TMEM132C: variants seen among roughly 807,000 people sequenced by gnomAD.
TMEM132C encodes protein phosphatase 1, regulatory subunit 152.
TMEM132C carries 29 observed loss-of-function variants against 61.4 expected under a neutral mutation model. That is an observed-to-expected ratio of 0.47 (90% CI 0.35 to 0.64). The LOEUF is 0.64. Among genes scored for constraint, TMEM132C ranks in the 30% least tolerant of loss-of-function variants. The pLI is 0.00. For missense variants in TMEM132C, 1,408 were observed against 1,476.9 expected (o/e 0.95, Z 0.76); for synonymous variants, 656 against 633.1 (o/e 1.04, Z -0.54).
intron 5 of TMEM132C, among the ~76,000 whole-genome samples, chr12:128,686,134 G>A (rs1368042466): frequency 6.6e-6 from 1 of 151,942 alleles, no homozygotes; most frequent in Non-Finnish European, 1.5e-5. Context: ...ATGTGTGCAT[G>A]TGTGTGCATA....
At chr12:128,523,516 TG>T (rs1051533198) in intron 2 of TMEM132C, among the ~76,000 whole-genome samples, 10 of 152,278 alleles carry the variant, frequency 6.6e-5, no homozygotes, top group African/African-American at 2.4e-4. Context: ...CAAGCAGAGC[TG>T]GACCCAGGAG....
At chr12:128,340,565 G>A (rs897569168) in intron 1 of TMEM132C, among the ~76,000 whole-genome samples, 12 of 152,100 alleles carry the variant, frequency 7.9e-5, no homozygotes, top group African/African-American at 2.9e-4. Flanking sequence ...CTAATTATTT[G>A]GTCATCAGCA....
chr12:128,605,041 G>C (rs528917301), intron 3 of TMEM132C, among the ~76,000 whole-genome samples: 2 of 151,966 alleles, frequency 1.3e-5, no homozygotes, highest in Admixed American at 1.3e-4. Context: ...ATGGATGGAT[G>C]GATGGATGGA....
At chr12:128,386,330 G>C (rs1177911911) in intron 1 of TMEM132C, among the ~76,000 whole-genome samples, 1 of 152,132 alleles carries the variant, frequency 6.6e-6, no homozygotes, top group Non-Finnish European at 1.5e-5. Flanking sequence ...TAGACTGATG[G>C]AAGGGCCAAC....
intron 2 of TMEM132C, among the ~76,000 whole-genome samples, chr12:128,506,337 G>T (rs1385316291): frequency 2.6e-5 from 4 of 152,192 alleles, no homozygotes; most frequent in Non-Finnish European, 5.9e-5. Flanking sequence ...AAAAACACAA[G>T]TTTCCTTCCA....
Position 128,382,279 on chromosome 12 carries a change from A to G in TMEM132C, c.86-32453A>G, listed in dbSNP as rs552257022. Among the ~76,000 whole-genome samples the G allele has an allele frequency of 7.9e-5, 12 of 152,276 alleles. No homozygotes were observed. The East Asian group carries it at 1.9e-3, about 24-fold the overall frequency. On this transcript the variant is annotated intron_variant, in intron 1 of 8. Coordinates refer to ENST00000435159, the MANE Select transcript of TMEM132C (RefSeq NM_001136103.3). ...AGTTTTAAAAAGTTATATAAATGCT[A>G]TCATACTGACGTACTGCACAGACTG...
chr12:128,647,678 CAGCGTTGG>C (rs1299432557), intron 4 of TMEM132C, among the ~76,000 whole-genome samples: 3 of 150,148 alleles, frequency 2.0e-5, no homozygotes, highest in Admixed American at 1.3e-4. Context: ...TGGAGTCCAT[CAGCGTTGG>C]ATGTGAGTGT....
At chr12:128,273,300 C>T (rs1002381191) in intron 1 of TMEM132C, among the ~76,000 whole-genome samples, 15 of 152,150 alleles carry the variant, frequency 9.9e-5, no homozygotes, top group Non-Finnish European at 1.9e-4. Context: ...TAATGCCTTT[C>T]TTTATTCTTA....
chr12:128,472,024 G>A (rs573476698), intron 2 of TMEM132C, among the ~76,000 whole-genome samples: 10 of 152,124 alleles, frequency 6.6e-5, no homozygotes, highest in Non-Finnish European at 1.2e-4. Context: ...GTAGTTTAGG[G>A]TTACGCAGAT....
chr12:128,686,215 G>C (rs1954675737), intron 5 of TMEM132C, among the ~76,000 whole-genome samples: 1 of 152,174 alleles, frequency 6.6e-6, no homozygotes, highest in South Asian at 2.1e-4. Flanking sequence ...AGTTTTCCCT[G>C]AGCATAGGGA....
At chr12:128,364,907 G>C (rs1873815775) in intron 1 of TMEM132C, among the ~76,000 whole-genome samples, 1 of 152,234 alleles carries the variant, frequency 6.6e-6, no homozygotes, top group African/African-American at 2.4e-5. Flanking sequence ...CCCATCTGGA[G>C]AGTCCCTCAG....
At chr12:128,602,913 T>C (rs1049245688) in intron 3 of TMEM132C, among the ~76,000 whole-genome samples, 5 of 152,226 alleles carry the variant, frequency 3.3e-5, no homozygotes, top group African/African-American at 1.2e-4. Flanking sequence ...GCAAGAGAAC[T>C]CTAGCAATCA....
At chr12:128,284,433 G>A (rs528751781) in intron 1 of TMEM132C, among the ~76,000 whole-genome samples, 1 of 152,192 alleles carries the variant, frequency 6.6e-6, no homozygotes, top group Non-Finnish European at 1.5e-5. Context: ...CAAATGATTG[G>A]CAGAGTCAGG....
chr12:128,420,839 G>A (rs1374432250), intron 2 of TMEM132C, among the ~76,000 whole-genome samples: 26 of 152,052 alleles, frequency 1.7e-4, no homozygotes, highest in Admixed American at 1.7e-3. Context: ...TCTAGATAGT[G>A]TATTATAATT....
chr12:128,339,341 C>G (rs988226791), intron 1 of TMEM132C, among the ~76,000 whole-genome samples: 1 of 152,024 alleles, frequency 6.6e-6, no homozygotes, highest in African/African-American at 2.4e-5. Flanking sequence ...CTGTCTTCTG[C>G]TCTAATCTTG....
At chr12:128,296,481 T>A (rs755265200) in intron 1 of TMEM132C, among the ~76,000 whole-genome samples, 4 of 152,220 alleles carry the variant, frequency 2.6e-5, no homozygotes, top group Non-Finnish European at 5.9e-5. Flanking sequence ...TATATGTTTA[T>A]GGCTAGAAGG....
At chr12:128,419,032 C>T (rs1041928888) in intron 2 of TMEM132C, among the ~76,000 whole-genome samples, 18 of 152,036 alleles carry the variant, frequency 1.2e-4, no homozygotes, top group Admixed American at 3.9e-4. Context: ...TGACCATTTG[C>T]CAGGCATTGT....
At chr12:128,361,122 G>A (rs1479726390) in intron 1 of TMEM132C, among the ~76,000 whole-genome samples, 1 of 152,212 alleles carries the variant, frequency 6.6e-6, no homozygotes, top group Non-Finnish European at 1.5e-5. Flanking sequence ...CATAATGCTT[G>A]AGTTTGATGC....
Position 128,706,004 on chromosome 12 carries a change from G to T in TMEM132C, c.3036G>T (p.Leu1012=). Reference sequence around the variant, plus strand: ...CCTGCGAGGAGAGCAACCATCTCCTGCTCAATGGTGGCTCCCACAAGCACG... The same window carrying T: ...CCTGCGAGGAGAGCAACCATCTCCTTCTCAATGGTGGCTCCCACAAGCACG... ...PGACEESNHL[L]LNGGSHKHVQ... is the part of the protein sequence containing the mutation. Residue 1012 remains leucine, a synonymous_variant, in exon 9 of 9, where the codon CTG becomes CTT. Transcript: ENST00000435159. The T allele has an allele frequency of 6.4e-7, 1 of 1,551,712 alleles. No homozygotes were observed. The highest frequency in any genetic ancestry group is 8.7e-7 in the Non-Finnish European group (1 of 1,147,000).
Sources: gnomAD v4.1 joint callset for allele counts (sites outside exome capture counted in the v4.1 genomes callset) on GRCh38, gnomAD v4.1.1 for gene constraint, MANE v1.5 for transcripts, NCBI Gene and HGNC (gene_info 2026-07-23, HGNC 2026-07-21) for gene names.